Variants in CSMD1 observed in about 807,000 individuals in gnomAD.
CSMD1 encodes the protein CUB and Sushi multiple domains 1, also known as CUB and sushi domain-containing protein 1.
Under a neutral mutation model 417.5 loss-of-function variants are expected in CSMD1, and 213 were observed. That is an observed-to-expected ratio of 0.51 (90% confidence interval 0.46 to 0.57). CSMD1 has a LOEUF of 0.57. Among genes scored for constraint, CSMD1 ranks in the 20% least tolerant of loss-of-function variants. CSMD1 has a pLI of 0.00. For missense variants in CSMD1, 6,923 were observed against 4,529.7 expected (o/e 1.53, Z -15.17); for synonymous variants, 2,862 against 1,736.8 (o/e 1.65, Z -16.11).
At chr8:4,928,074 C>T (rs1024710128) in intron 1 of CSMD1, among the ~76,000 whole-genome samples, 1 of 152,112 alleles carries the variant, frequency 6.6e-6, no homozygotes, top group Non-Finnish European at 1.5e-5. Flanking sequence ...CTCCTGTGGC[C>T]TCTCTGAGCT....
chr8:4,348,022 G>C (rs1413428130), intron 3 of CSMD1, among the ~76,000 whole-genome samples: 2 of 152,012 alleles, frequency 1.3e-5, no homozygotes, highest in Non-Finnish European at 2.9e-5. Flanking sequence ...TATGCATAAA[G>C]AGGAAAAAAA....
chr8:3,445,777 G>A (rs1247809698), intron 12 of CSMD1, among the ~76,000 whole-genome samples: 1 of 152,250 alleles, frequency 6.6e-6, no homozygotes, highest in East Asian at 1.9e-4. Context: ...ACAGTAAGAG[G>A]ATAAAACTTT....
At position 2,938,277 on chromosome 8, in the gene CSMD1, A is replaced by C. The variant is rs560882664; in HGVS notation, c.*308T>G. ...CATCTCAGCAACACAGAAATATGAAAGTCTGAGGCATTGAGTATGACGTGT... is the reference window on the plus strand; with the variant it reads ...CATCTCAGCAACACAGAAATATGAACGTCTGAGGCATTGAGTATGACGTGT... On this transcript the variant is annotated 3_prime_UTR_variant, in exon 70 of 70. Transcript: ENST00000635120. 1.4e-4 allele frequency: 40 copies of C among 286,346 alleles called. No homozygotes were observed. In the Admixed American group the frequency reaches 1.7e-3, roughly 12 times the overall value. The allele number at this position is 286,346 out of a possible 1,614,324, so 17.7% of individuals were successfully genotyped here. A position where few individuals can be genotyped will look rare whatever the true frequency, so the allele number is the denominator to read the frequency against.
intron 20 of CSMD1, among the ~76,000 whole-genome samples, chr8:3,360,131 G>A (rs1016902221): frequency 1.3e-5 from 2 of 152,202 alleles, no homozygotes; most frequent in Admixed American, 6.5e-5. Context: ...GTGAGGAACA[G>A]TGGAATTTTC....
intron 33 of CSMD1, among the ~76,000 whole-genome samples, chr8:3,190,897 A>G (rs935426033): frequency 1.3e-5 from 2 of 152,202 alleles, no homozygotes; most frequent in Non-Finnish European, 2.9e-5. Flanking sequence ...TTCTACTTCT[A>G]TGGGGAGATC....
rs190038665 is a variant in CSMD1, at chr8:4,111,019, G to A, written c.416-78920C>T. 1.6e-3 allele frequency among the ~76,000 whole-genome samples: 240 copies of A among 152,034 alleles called. 1 individual carries two copies. The highest frequency in any genetic ancestry group is 2.7e-3 in the Admixed American group (41 of 15,244). On this transcript the variant is annotated intron_variant, in intron 3 of 69. Transcript: ENST00000635120. ...CTCACTAAGAGATGCCTGCAATCAG[G>A]GACTCCCTGCGAAAGGAAATAACTT...
intron 29 of CSMD1, 34 bp from the exon 30 acceptor site, chr8:3,214,725 C>T (rs1348959507): frequency 1.3e-6 from 2 of 1,496,106 alleles, no homozygotes; most frequent in East Asian, 2.5e-5. Flanking sequence ...TGCATGAGAG[C>T]AGGGATCTTA....
At chr8:3,696,609 C>G (rs116725026) in intron 7 of CSMD1, among the ~76,000 whole-genome samples, 2,953 of 152,240 alleles carry the variant, frequency 0.019, 89 homozygotes, top group African/African-American at 0.064. Context: ...AAAATGAGCG[C>G]TTTGGAAGAT....
intron 5 of CSMD1, among the ~76,000 whole-genome samples, chr8:3,920,635 G>A (rs1198942748): frequency 6.6e-6 from 1 of 151,892 alleles, no homozygotes. Flanking sequence ...CCTTTATTAT[G>A]TTGAAGTATA....
At chr8:3,234,442 C>T (rs1303251390) in intron 26 of CSMD1, among the ~76,000 whole-genome samples, 2 of 152,070 alleles carry the variant, frequency 1.3e-5, no homozygotes, top group Non-Finnish European at 2.9e-5. Flanking sequence ...TATCATTACT[C>T]GTGTTTTGAA....
At chr8:4,339,237 C>T (rs9314526) in intron 3 of CSMD1, among the ~76,000 whole-genome samples, 87,121 of 151,988 alleles carry the variant, frequency 0.57, 27,649 homozygotes, top group African/African-American at 0.87. Context: ...AGGAAATAAT[C>T]TAGTTATGGT....
At chr8:4,672,641 A>C (rs1805399395) in intron 1 of CSMD1, among the ~76,000 whole-genome samples, 1 of 152,026 alleles carries the variant, frequency 6.6e-6, no homozygotes, top group South Asian at 2.1e-4. Context: ...TAAAATAACA[A>C]ATAATGCCAG....
chr8:4,559,060 T>C (rs1798216230), intron 2 of CSMD1, among the ~76,000 whole-genome samples: 1 of 152,196 alleles, frequency 6.6e-6, no homozygotes, highest in South Asian at 2.1e-4. Context: ...TCATCTTGTA[T>C]TTAAGCAGTT....
intron 1 of CSMD1, among the ~76,000 whole-genome samples, chr8:4,742,442 A>T (rs932343764): frequency 2.0e-5 from 3 of 152,156 alleles, no homozygotes; most frequent in Non-Finnish European, 2.9e-5. Flanking sequence ...TATGACTAAG[A>T]TTAGAGGTAT....
At chr8:3,763,938 C>T (rs1396538251) in intron 5 of CSMD1, among the ~76,000 whole-genome samples, 1 of 152,096 alleles carries the variant, frequency 6.6e-6, no homozygotes, top group African/African-American at 2.4e-5. Flanking sequence ...ATCAAAAGAT[C>T]CCATAACTCA....
chr8:3,182,721 G>GAC (rs1563119302), intron 36 of CSMD1, among the ~76,000 whole-genome samples: 1 of 130,310 alleles, frequency 7.7e-6, no homozygotes, highest in African/African-American at 2.8e-5. Flanking sequence ...AGTAGAGAAG[G>GAC]ACTCTGGCTG....
chr8:3,338,780 A>C (rs78013274), intron 23 of CSMD1, among the ~76,000 whole-genome samples: 2,987 of 150,942 alleles, frequency 0.02, 107 homozygotes, highest in African/African-American at 0.068. Context: ...CAGCTCTATC[A>C]TGCAGATCCA....
intron 1 of CSMD1, among the ~76,000 whole-genome samples, chr8:4,734,004 G>C (rs1810064891): frequency 6.6e-6 from 1 of 152,102 alleles, no homozygotes; most frequent in South Asian, 2.1e-4. Flanking sequence ...TCTTATCAAA[G>C]AAAGAAGTCC....
chr8:3,480,211 A>T (rs1817658437), intron 11 of CSMD1, among the ~76,000 whole-genome samples: 3 of 152,010 alleles, frequency 2.0e-5, no homozygotes, highest in Non-Finnish European at 2.9e-5. Flanking sequence ...TACAAAAAAA[A>T]ATTAGCTGGG....
Sources: gnomAD v4.1 joint callset for allele counts (sites outside exome capture counted in the v4.1 genomes callset) on GRCh38, gnomAD v4.1.1 for gene constraint, MANE v1.5 for transcripts, NCBI Gene and HGNC (gene_info 2026-07-23, HGNC 2026-07-21) for gene names.